Variants in BTBD10 observed in about 807,000 individuals in gnomAD.
The protein encoded by BTBD10 is BTB/POZ domain-containing protein 10.
BTBD10 carries 21 observed loss-of-function variants against 53.2 expected under a neutral mutation model. The observed-to-expected ratio is 0.39, with a 90% CI of 0.28 to 0.57. The LOEUF (loss-of-function observed/expected upper bound fraction) is 0.57, where lower values mean the gene tolerates loss of function less well. BTBD10 is among the 20% of genes least tolerant of loss of function. The probability of loss-of-function intolerance (pLI) is 0.53; values close to 1 mark genes in which losing one functional copy is unlikely to be tolerated. For missense variants in BTBD10, 360 were observed against 594.7 expected, an observed-to-expected ratio of 0.61 and a Z score of 4.10; for synonymous variants, 149 against 192.7, an observed-to-expected ratio of 0.77 and a Z score of 1.88.
intron 8 of BTBD10, among the ~76,000 whole-genome samples, chr11:13,389,951 T>C (rs1271477047): frequency 6.6e-6 from 1 of 152,220 alleles, no homozygotes; most frequent in East Asian, 1.9e-4. Context: ...CATATCATTT[T>C]AACATTACTA....
chr11:13,414,152 C>G (rs868739821), intron 5 of BTBD10, among the ~76,000 whole-genome samples: 4 of 151,920 alleles, frequency 2.6e-5, no homozygotes. Flanking sequence ...ATAAGACATA[C>G]CATTAGATAT....
rs183671619 is a variant in BTBD10 at position 13,446,984 on chromosome 11, A to T, written c.-57-1803T>A. On this transcript the variant is annotated intron_variant, in intron 1 of 8. Coordinates refer to ENST00000278174, the MANE Select transcript of BTBD10 (RefSeq NM_032320.7). The stretch of plus-strand genomic sequence containing the variant: ...ACCAAAAGAGATGCAAAAGGTATAA[A>T]GATAGTAGAAAGAAACAATGTGAGA... Among the ~76,000 whole-genome samples the T allele has an allele frequency of 7.9e-5, 12 of 152,326 alleles. No homozygotes were observed. The East Asian group carries it at 2.3e-3, about 29-fold the overall frequency.
chr11:13,460,669 C>T (rs1265176476), intron 1 of BTBD10, among the ~76,000 whole-genome samples: 1 of 152,204 alleles, frequency 6.6e-6, no homozygotes, highest in Non-Finnish European at 1.5e-5. Context: ...CTTCACATCA[C>T]ACTTTCTCCA....
intron 8 of BTBD10, among the ~76,000 whole-genome samples, chr11:13,399,086 G>A (rs896895729): frequency 5.3e-5 from 8 of 152,176 alleles, no homozygotes; most frequent in African/African-American, 1.9e-4. Flanking sequence ...GAATTTGAAT[G>A]TTGGCCTTCC....
intron 2 of BTBD10, among the ~76,000 whole-genome samples, chr11:13,427,218 A>AAATAAT (rs148046559): frequency 5.3e-5 from 8 of 151,434 alleles, no homozygotes; most frequent in East Asian, 1.9e-4. Context: ...CCCTGTCTTA[A>AAATAAT]AATAATAATA....
In BTBD10 at chr11:13,405,566, C is replaced by G. The variant is rs1949805941; in HGVS notation, c.1006+93G>C. The G allele has an allele frequency of 2.2e-6, 3 of 1,385,532 alleles. No individual in the cohort carries two copies. In the African/African-American group the frequency reaches 4.3e-5, roughly 20 times the overall value. 85.8% of individuals were successfully genotyped at this position (1,385,532 alleles called of 1,614,324 possible). ...AAAATAGGTGATGGGCTGGATTGACCCCCAGGCTGGTCTATGAGAAGAGCT... is the reference window on the plus strand; with the variant it reads ...AAAATAGGTGATGGGCTGGATTGACGCCCAGGCTGGTCTATGAGAAGAGCT... On this transcript the variant is annotated intron_variant, in intron 7 of 8. Coordinates refer to ENST00000278174, the MANE Select transcript of BTBD10 (RefSeq NM_032320.7).
At chr11:13,400,022 C>G (rs189151334) in intron 8 of BTBD10, among the ~76,000 whole-genome samples, 3 of 152,166 alleles carry the variant, frequency 2.0e-5, no homozygotes, top group Non-Finnish European at 4.4e-5. Context: ...GCAGTCTGCC[C>G]GTTCTCAGAT....
At chr11:13,404,311 C>T (rs926251424) in intron 7 of BTBD10, among the ~76,000 whole-genome samples, 8 of 151,954 alleles carry the variant, frequency 5.3e-5, no homozygotes, top group Non-Finnish European at 1.2e-4. Flanking sequence ...CATATTTAGA[C>T]CACTAAGTAA....
chr11:13,454,525 C>G (rs556361295), intron 1 of BTBD10, among the ~76,000 whole-genome samples: 24 of 152,014 alleles, frequency 1.6e-4, no homozygotes, highest in Non-Finnish European at 3.5e-4. Context: ...ATTTTTATAA[C>G]CAATTGAATT....
intron 2 of BTBD10, among the ~76,000 whole-genome samples, chr11:13,442,063 G>A (rs1312126026): frequency 2.0e-5 from 3 of 152,064 alleles, no homozygotes; most frequent in African/African-American, 7.2e-5. Flanking sequence ...GGAAAGCCAA[G>A]AAAATAAGAG....
chr11:13,401,341 T>C (rs1565232965), intron 8 of BTBD10, among the ~76,000 whole-genome samples: 3 of 152,228 alleles, frequency 2.0e-5, no homozygotes, highest in East Asian at 3.9e-4. Context: ...AATTTACATA[T>C]AGCTTTTCCA....
intron 5 of BTBD10, among the ~76,000 whole-genome samples, chr11:13,416,910 G>A (rs1162845590): frequency 2.0e-5 from 3 of 152,076 alleles, no homozygotes; most frequent in Non-Finnish European, 4.4e-5. Context: ...GCTTGAGCCC[G>A]GGAGGTTGAG....
intron 8 of BTBD10, among the ~76,000 whole-genome samples, chr11:13,396,876 T>C (rs1591090314): frequency 6.6e-6 from 1 of 152,230 alleles, no homozygotes. Context: ...CAGCCTTGCA[T>C]CCCAGGGATG....
chr11:13,394,331 G>A lies in BTBD10; in HGVS notation c.1118-5190C>T, dbSNP rs890682037. ...CCATGCTGTTCTTGTGATAGTGAGT[G>A]CTCATGAGATCTGACGGTTTAAAAG... On this transcript the variant is annotated intron_variant, in intron 8 of 8. Coordinates refer to ENST00000278174, the MANE Select transcript of BTBD10 (RefSeq NM_032320.7). 5.9e-5 allele frequency among the ~76,000 whole-genome samples: 9 copies of A among 152,248 alleles called. No individual in the cohort carries two copies. The South Asian group carries it at 1.0e-3, about 18-fold the overall frequency.
chr11:13,446,342 A>C (rs1480944256), intron 1 of BTBD10, among the ~76,000 whole-genome samples: 1 of 152,206 alleles, frequency 6.6e-6, no homozygotes, highest in Non-Finnish European at 1.5e-5. Flanking sequence ...ACAGTATTGC[A>C]GTACAAGTTC....
intron 1 of BTBD10, among the ~76,000 whole-genome samples, chr11:13,453,013 A>C (rs1490195555): frequency 2.0e-5 from 3 of 152,158 alleles, no homozygotes; most frequent in Non-Finnish European, 2.9e-5. Context: ...CTACACTAAT[A>C]CACACATATA....
At chr11:13,452,447 G>A (rs541759101) in intron 1 of BTBD10, among the ~76,000 whole-genome samples, 81 of 152,208 alleles carry the variant, frequency 5.3e-4, no homozygotes, top group African/African-American at 1.8e-3. Context: ...TAATTTTATT[G>A]CATTTAAATT....
chr11:13,439,818 T>C, intron 2 of BTBD10: 5 of 1,307,780 alleles, frequency 3.8e-6, no homozygotes, highest in Non-Finnish European at 5.1e-6. Context: ...CTCTCAATCT[T>C]TCTTTCAAAT....
Position 13,419,765 on chromosome 11 carries a change from C to T in BTBD10, c.299-20G>A, listed in dbSNP as rs189274863. Reference sequence around the variant, plus strand: ...CTCGTTCTGAAATAAAGATGTTAGACGAAGTTATGCAAATTTTCTTTTACA... The same window carrying T: ...CTCGTTCTGAAATAAAGATGTTAGATGAAGTTATGCAAATTTTCTTTTACA... On this transcript the variant is annotated intron_variant, in intron 3 of 8. Coordinates refer to ENST00000278174, the MANE Select transcript of BTBD10 (RefSeq NM_032320.7). 69 of 1,505,848 alleles carry T rather than the reference C, an allele frequency of 4.6e-5. No individual in the cohort carries two copies. The highest frequency in any genetic ancestry group is 3.6e-4 in the South Asian group (29 of 79,798). 93.3% of individuals were successfully genotyped at this position (1,505,848 alleles called of 1,614,324 possible).
Sources: gnomAD v4.1 joint callset for allele counts (sites outside exome capture counted in the v4.1 genomes callset) on GRCh38, gnomAD v4.1.1 for gene constraint, MANE v1.5 for transcripts, NCBI Gene and HGNC (gene_info 2026-07-23, HGNC 2026-07-21) for gene names.